Variants in KHDRBS2 observed in about 807,000 individuals in gnomAD.
KHDRBS2 encodes the protein KH RNA binding domain containing, signal transduction associated 2, also known as KH domain-containing, RNA-binding, signal transduction-associated protein 2.
A neutral mutation model predicts 44.3 loss-of-function variants in KHDRBS2; 26 were observed. The observed-to-expected ratio is 0.59, with a 90% CI of 0.43 to 0.81. The LOEUF (loss-of-function observed/expected upper bound fraction) is 0.81. KHDRBS2 is among the 40% of genes least tolerant of loss of function. The pLI, the probability that KHDRBS2 is intolerant of heterozygous loss-of-function variation, is 0.00. For synonymous variants in KHDRBS2, 194 were observed against 151.1 expected (o/e 1.28, Z -2.08); for missense variants, 476 against 433.1 (o/e 1.10, Z -0.88).
At chr6:61,874,921 A>AT (rs543937384) in intron 6 of KHDRBS2, among the ~76,000 whole-genome samples, 107 of 152,192 alleles carry the variant, frequency 7.0e-4, no homozygotes, top group Middle Eastern at 3.4e-3. Flanking sequence ...CATTTAATTG[A>AT]TTTTTTTGAT....
chr6:61,876,824 T>A (rs534282022), intron 6 of KHDRBS2, among the ~76,000 whole-genome samples: 2 of 152,148 alleles, frequency 1.3e-5, no homozygotes, highest in Admixed American at 1.3e-4. Flanking sequence ...GAAAAGGAAA[T>A]AAGTGGCCTT....
chr6:61,770,864 A>C (rs1469245024), intron 6 of KHDRBS2, among the ~76,000 whole-genome samples: 1 of 152,192 alleles, frequency 6.6e-6, no homozygotes, highest in African/African-American at 2.4e-5. Flanking sequence ...CGAGAAGAGC[A>C]ACTCCAAGAC....
chr6:61,544,451 T>C, the KHDRBS2 span, among the ~76,000 whole-genome samples: 1 of 152,114 alleles, frequency 6.6e-6, no homozygotes, highest in African/African-American at 2.4e-5. Flanking sequence ...AAATAAAATG[T>C]TCTTAGCCTC....
chr6:61,853,650 T>C (rs1369725155), intron 6 of KHDRBS2, among the ~76,000 whole-genome samples: 1 of 152,192 alleles, frequency 6.6e-6, no homozygotes, highest in Non-Finnish European at 1.5e-5. Flanking sequence ...CTAGATACTG[T>C]CTCTGTATCC....
At chr6:61,924,501 T>C (rs1808610860) in intron 4 of KHDRBS2, among the ~76,000 whole-genome samples, 1 of 152,048 alleles carries the variant, frequency 6.6e-6, no homozygotes, top group South Asian at 2.1e-4. Flanking sequence ...TTACTTCTTT[T>C]TATCATGAAT....
intron 7 of KHDRBS2, among the ~76,000 whole-genome samples, chr6:61,730,931 A>G (rs1466552000): frequency 3.9e-5 from 6 of 152,014 alleles, no homozygotes; most frequent in Admixed American, 2.6e-4. Context: ...GGGTCAGTTA[A>G]GCTCACTTAA....
At position 61,953,256 on chromosome 6, in the gene KHDRBS2, C is replaced by T. The variant is rs148122705; in HGVS notation, c.483+24810G>A. On this transcript the variant is annotated intron_variant, in intron 4 of 8. Transcript: ENST00000281156. ...TGTTTTAAATATGAAGAAATTCTGT[C>T]TTAAATGATGCCATCCAAGACTTTA... is the stretch of plus-strand genomic sequence containing the variant. Among the ~76,000 whole-genome samples the T allele has an allele frequency of 5.3e-5, 8 of 152,090 alleles. No homozygotes were observed. In the East Asian group the frequency reaches 1.5e-3, roughly 29 times the overall value.
At chr6:61,655,179 G>GT in the KHDRBS2 span, among the ~76,000 whole-genome samples, 1 of 151,392 alleles carries the variant, frequency 6.6e-6, no homozygotes, top group African/African-American at 2.4e-5. Flanking sequence ...AGGAAGGTCT[G>GT]TATTCCAAAC....
At chr6:61,806,202 T>G (rs77235399) in intron 6 of KHDRBS2, among the ~76,000 whole-genome samples, 4,054 of 152,196 alleles carry the variant, frequency 0.027, 176 homozygotes, top group African/African-American at 0.092. Context: ...GAAATGACAT[T>G]GAAAGTTTCA....
At chr6:61,865,096 G>A (rs766465787) in intron 6 of KHDRBS2, among the ~76,000 whole-genome samples, 5 of 152,092 alleles carry the variant, frequency 3.3e-5, no homozygotes, top group African/African-American at 2.4e-5. Flanking sequence ...TGAAGTTCTT[G>A]TAGTGTGTTT....
intron 1 of KHDRBS2, among the ~76,000 whole-genome samples, chr6:62,267,244 G>A (rs1839358843): frequency 6.6e-6 from 1 of 151,998 alleles, no homozygotes; most frequent in Admixed American, 6.6e-5. Context: ...AGACTTTGTT[G>A]GAAGGCCACA....
intron 2 of KHDRBS2, among the ~76,000 whole-genome samples, chr6:62,101,906 T>C (rs1366762735): frequency 6.6e-6 from 1 of 152,188 alleles, no homozygotes; most frequent in Non-Finnish European, 1.5e-5. Flanking sequence ...TAACATAACA[T>C]GGTCTTCTCA....
chr6:61,982,670 C>CA (rs1264177227), intron 3 of KHDRBS2, among the ~76,000 whole-genome samples: 2,597 of 65,802 alleles, frequency 0.039, 52 homozygotes, highest in African/African-American at 0.072. Context: ...AACTCTGTCT[C>CA]AAAAAAAAAA....
chr6:61,742,005 T>G (rs993838091), intron 6 of KHDRBS2, among the ~76,000 whole-genome samples: 10 of 151,952 alleles, frequency 6.6e-5, no homozygotes, highest in African/African-American at 2.4e-4. Context: ...TGTGGAATAT[T>G]CTTATGCAGT....
At chr6:61,578,931 C>T in the KHDRBS2 span, among the ~76,000 whole-genome samples, 20 of 152,076 alleles carry the variant, frequency 1.3e-4, no homozygotes, top group African/African-American at 4.6e-4. Context: ...GTGGTAATTT[C>T]CTCTCTTGGC....
At chr6:62,073,325 CA>C (rs1379677591) in intron 2 of KHDRBS2, among the ~76,000 whole-genome samples, 1 of 151,470 alleles carries the variant, frequency 6.6e-6, no homozygotes, top group African/African-American at 2.4e-5. Context: ...ATCTCATCTA[CA>C]TTATTTAATA....
At chr6:62,123,409 T>TA (rs1394302195) in intron 2 of KHDRBS2, among the ~76,000 whole-genome samples, 1 of 152,226 alleles carries the variant, frequency 6.6e-6, no homozygotes, top group African/African-American at 2.4e-5. Context: ...TTTGGGTATA[T>TA]ACCCAGTAAT....
chr6:61,750,495 T>C (rs1019626043), intron 6 of KHDRBS2, among the ~76,000 whole-genome samples: 1 of 152,174 alleles, frequency 6.6e-6, no homozygotes, highest in Admixed American at 6.5e-5. Flanking sequence ...TGTTCTTATA[T>C]TTACTGCATT....
At chr6:62,027,737 C>G (rs1245238338) in intron 3 of KHDRBS2, among the ~76,000 whole-genome samples, 1 of 152,070 alleles carries the variant, frequency 6.6e-6, no homozygotes. Flanking sequence ...GTTTGGAGAG[C>G]ATTCATGTTG....
Sources: allele counts gnomAD v4.1 joint callset (sites outside exome capture counted in the v4.1 genomes callset), GRCh38; gene constraint gnomAD v4.1.1; transcripts MANE v1.5; gene names NCBI Gene and HGNC (gene_info 2026-07-23, HGNC 2026-07-21).